RXFP1: variants seen among roughly 807,000 people sequenced by gnomAD.
RXFP1 encodes the protein relaxin receptor 1.
RXFP1 carries 73 observed loss-of-function variants against 89.8 expected under a neutral mutation model. The ratio of observed to expected loss-of-function variants is 0.81; its 90% CI spans 0.67 to 0.99. The LOEUF (loss-of-function observed/expected upper bound fraction) is 0.99, where lower values mean the gene tolerates loss of function less well. RXFP1 is among the 50% of genes least tolerant of loss of function. The pLI, the probability that RXFP1 is intolerant of heterozygous loss-of-function variation, is 0.00. For missense variants in RXFP1, 793 were observed against 895.5 expected (o/e 0.89, Z 1.46); for synonymous variants, 277 against 305.5 (o/e 0.91, Z 0.97).
rs1205117099 is a variant in RXFP1 at position 158,628,707 on chromosome 4, AT to A, written c.899del (p.Leu300TrpfsTer3). Reference sequence around the variant, plus strand: ...TTGCACCTCTCCAGAAACTGGATGAATTGTAAGTATGACTGAACATATACTG... The same window carrying A: ...TTGCACCTCTCCAGAAACTGGATGAATGTAAGTATGACTGAACATATACTG... ...TFAPLQKLDE[L>X]DLGSNKIENL... On this transcript the variant is annotated frameshift_variant and splice_region_variant, in exon 11 of 18. Transcript: ENST00000307765. LOFTEE classifies it high-confidence loss of function. 3.9e-6 allele frequency: 6 copies of A among 1,546,594 alleles called. No homozygotes were observed. Among genetic ancestry groups the A allele is most frequent in the Non-Finnish European group, 5.3e-6 (6 of 1,122,710 alleles).
chr4:158,553,772 G>T (rs1750671997), intron 1 of RXFP1, among the ~76,000 whole-genome samples: 1 of 152,022 alleles, frequency 6.6e-6, no homozygotes, highest in African/African-American at 2.4e-5. Context: ...AGTGGAACAG[G>T]AGAAAAAAGG....
chr4:158,598,151 G>T lies in RXFP1; in HGVS notation c.287-1175G>T, dbSNP rs1396986005. 2.0e-5 allele frequency among the ~76,000 whole-genome samples: 3 copies of T among 152,094 alleles called. No individual in the cohort carries two copies. In the East Asian group the frequency reaches 5.8e-4, roughly 29 times the overall value. ...GCTCTCTGCAAGTTTCACCATAAAG[G>T]TCAGAAACTGGAAGCCTACAAGCAG... On this transcript the variant is annotated intron_variant, in intron 3 of 17. Coordinates refer to ENST00000307765, the MANE Select transcript of RXFP1 (RefSeq NM_021634.4).
chr4:158,531,178 A>G (rs1280373007), intron 1 of RXFP1, among the ~76,000 whole-genome samples: 4 of 152,126 alleles, frequency 2.6e-5, no homozygotes, highest in East Asian at 3.9e-4. Flanking sequence ...TGGGACTCCA[A>G]GTGCATGCCA....
chr4:158,544,140 A>C, intron 1 of RXFP1: 1 of 982,104 alleles, frequency 1.0e-6, no homozygotes, highest in South Asian at 4.7e-5. Flanking sequence ...TAAATGAAGG[A>C]GAATCTAGAA....
intron 8 of RXFP1, among the ~76,000 whole-genome samples, chr4:158,614,820 G>T (rs1273776745): frequency 6.6e-6 from 1 of 152,086 alleles, no homozygotes; most frequent in Non-Finnish European, 1.5e-5. Context: ...CTGGTTTTTT[G>T]ACTTATCTCA....
At chr4:158,624,846 G>T (rs1167645744) in intron 9 of RXFP1, among the ~76,000 whole-genome samples, 1 of 152,042 alleles carries the variant, frequency 6.6e-6, no homozygotes, top group Non-Finnish European at 1.5e-5. Flanking sequence ...ATTAACACAG[G>T]AGGGGGGAAA....
chr4:158,531,455 C>A (rs1019000692), intron 1 of RXFP1, among the ~76,000 whole-genome samples: 1 of 152,222 alleles, frequency 6.6e-6, no homozygotes, highest in African/African-American at 2.4e-5. Context: ...TATTCCCCTA[C>A]TGCACAGGGT....
intron 1 of RXFP1, among the ~76,000 whole-genome samples, chr4:158,523,451 C>T (rs552471426): frequency 6.6e-6 from 1 of 152,106 alleles, no homozygotes; most frequent in Non-Finnish European, 1.5e-5. Context: ...TCCATGTTTA[C>T]CTGTACCCTT....
chr4:158,523,493 T>C (rs1383480828), intron 1 of RXFP1, among the ~76,000 whole-genome samples: 1 of 152,102 alleles, frequency 6.6e-6, no homozygotes, highest in Non-Finnish European at 1.5e-5. Context: ...GAGCAGAAAA[T>C]AATAATGATG....
intron 2 of RXFP1, among the ~76,000 whole-genome samples, chr4:158,585,118 T>C (rs1274709572): frequency 6.6e-6 from 1 of 152,230 alleles, no homozygotes; most frequent in African/African-American, 2.4e-5. Flanking sequence ...CTAGACGATC[T>C]AGACAGTCTT....
intron 2 of RXFP1, among the ~76,000 whole-genome samples, chr4:158,576,297 A>G (rs1351357520): frequency 6.6e-6 from 1 of 152,140 alleles, no homozygotes; most frequent in Non-Finnish European, 1.5e-5. Context: ...CCAGTGACTC[A>G]CACCTGTAAT....
chr4:158,573,170 G>A (rs1042338497), intron 2 of RXFP1: 4 of 182,748 alleles, frequency 2.2e-5, no homozygotes, highest in Non-Finnish European at 4.6e-5. Flanking sequence ...CATCACGCCC[G>A]GCTAATTTTT....
intron 14 of RXFP1, among the ~76,000 whole-genome samples, chr4:158,639,877 A>G (rs1372847371): frequency 6.6e-6 from 1 of 152,098 alleles, no homozygotes; most frequent in Non-Finnish European, 1.5e-5. Context: ...AAAAAAAAGA[A>G]AAGAAAAGAG....
intron 6 of RXFP1, among the ~76,000 whole-genome samples, chr4:158,609,793 G>A (rs1286871662): frequency 6.6e-6 from 1 of 152,096 alleles, no homozygotes; most frequent in Non-Finnish European, 1.5e-5. Flanking sequence ...CACTCTTCAG[G>A]CTCCTGACTG....
intron 1 of RXFP1, among the ~76,000 whole-genome samples, chr4:158,554,166 C>T (rs1164728747): frequency 6.6e-6 from 1 of 152,082 alleles, no homozygotes; most frequent in African/African-American, 2.4e-5. Context: ...AGCTTAGTCC[C>T]ACCTTGTTAC....
At chr4:158,649,473 A>T (rs1772205177) in intron 17 of RXFP1, among the ~76,000 whole-genome samples, 1 of 152,130 alleles carries the variant, frequency 6.6e-6, no homozygotes, top group Non-Finnish European at 1.5e-5. Flanking sequence ...GTTGGCTGGC[A>T]TGTTGCCTCA....
chr4:158,599,463 G>T, intron 4 of RXFP1, 32 bp downstream of exon 4: 2 of 1,559,088 alleles, frequency 1.3e-6, no homozygotes, highest in Non-Finnish European at 8.8e-7. Flanking sequence ...CATCCTGACA[G>T]CTGGGTAGCA....
intron 17 of RXFP1, among the ~76,000 whole-genome samples, chr4:158,648,981 T>G (rs113831784): frequency 5.3e-5 from 8 of 152,188 alleles, no homozygotes; most frequent in Middle Eastern, 3.4e-3. Flanking sequence ...GGCATGGTGG[T>G]GCACCGCTGC....
chr4:158,617,833 T>C (rs1385184915), intron 9 of RXFP1, among the ~76,000 whole-genome samples: 1 of 152,120 alleles, frequency 6.6e-6, no homozygotes, highest in African/African-American at 2.4e-5. Context: ...AAACTCCCTC[T>C]GTCTCTTATT....
Sources: gnomAD v4.1 joint callset for allele counts (sites outside exome capture counted in the v4.1 genomes callset) on GRCh38, gnomAD v4.1.1 for gene constraint, MANE v1.5 for transcripts, NCBI Gene and HGNC (gene_info 2026-07-23, HGNC 2026-07-21) for gene names.